Variants in PCDHGB6 observed in about 807,000 individuals in gnomAD.
PCDHGB6 encodes the protein protocadherin gamma-B6.
A neutral mutation model predicts 59.1 loss-of-function variants in PCDHGB6; 51 were observed. That is an observed-to-expected ratio of 0.86 (90% CI 0.69 to 1.09). The LOEUF is 1.09. Ranked by LOEUF, PCDHGB6 falls within the 50% of genes least tolerant of loss-of-function variation. PCDHGB6 has a pLI of 0.00. For missense variants in PCDHGB6, 1,148 were observed against 1,205.1 expected (o/e 0.95, Z 0.70); for synonymous variants, 466 against 495.1 (o/e 0.94, Z 0.78).
At chr5:141,499,330 C>T (rs1040336371) in intron 2 of PCDHGB6, among the ~76,000 whole-genome samples, 1 of 152,170 alleles carries the variant, frequency 6.6e-6, no homozygotes, top group African/African-American at 2.4e-5. Flanking sequence ...CCTGCTCTCT[C>T]TCAGTTTGGG....
rs2099749948 is a variant in PCDHGB6 at position 141,493,762 on chromosome 5, C to T, written c.2419-1045C>T. Among the ~76,000 whole-genome samples the T allele has an allele frequency of 1.3e-5, 2 of 152,130 alleles. No homozygotes were observed. Among genetic ancestry groups the T allele is most frequent in the South Asian group, 4.1e-4 (2 of 4,830 alleles). Reference sequence around the variant, plus strand: ...TGCCACCTGTGAGCCTTGAGTGAGCCACTGGCAGTTCCGGAGCTTCCTTCT... The same window carrying T: ...TGCCACCTGTGAGCCTTGAGTGAGCTACTGGCAGTTCCGGAGCTTCCTTCT... On this transcript the variant is annotated intron_variant, in intron 1 of 3. Transcript: ENST00000520790. The surrounding 1 kb of genome is among the most constrained non-coding windows in gnomAD (Gnocchi z 4.3).
Position 141,476,682 on chromosome 5 carries a change from A to G in PCDHGB6, c.2419-18125A>G, listed in dbSNP as rs987205396. The G allele has an allele frequency of 6.2e-7, 1 of 1,614,072 alleles. No individual in the cohort carries two copies. Among genetic ancestry groups the G allele is most frequent in the African/African-American group, 1.3e-5 (1 of 74,934 alleles). ...GCGCTTCGCGTGCAGACGCGGGAGG[A>G]CAGCACCAAGTACGCGGAGCTGGTG... On this transcript the variant is annotated intron_variant, in intron 1 of 3. Coordinates refer to ENST00000520790, the MANE Select transcript of PCDHGB6 (RefSeq NM_018926.3). The surrounding 1 kb of genome is among the most constrained non-coding windows in gnomAD (Gnocchi z 7.6).
intron 1 of PCDHGB6, among the ~76,000 whole-genome samples, chr5:141,472,561 T>C (rs1000220187): frequency 2.6e-5 from 4 of 151,632 alleles, no homozygotes; most frequent in African/African-American, 9.7e-5. Flanking sequence ...AATTATATTA[T>C]AAATGCTGCA....
intron 1 of PCDHGB6, chr5:141,426,496 G>A: frequency 3.0e-6 from 1 of 337,022 alleles, no homozygotes; most frequent in South Asian, 2.4e-5. Flanking sequence ...AGTTAGTGCA[G>A]AGAAACAATA....
In PCDHGB6 at chr5:141,491,803, C is replaced by T. The variant is rs2099730932; in HGVS notation, c.2419-3004C>T. ...CTTGCATCCACTCCTCTCCGGCCGG[C>T]TTGGTCGCTGGCTGCGCTCCACCCG... On this transcript the variant is annotated intron_variant, in intron 1 of 3. Transcript: ENST00000520790. This position sits in a 1 kb window ranked among gnomAD's most constrained non-coding sequence, Gnocchi z 6.9. 1 of 1,497,820 alleles carries T rather than the reference C, an allele frequency of 6.7e-7. No individual in the cohort carries two copies. Among genetic ancestry groups the T allele is most frequent in the Non-Finnish European group, 8.9e-7 (1 of 1,124,124 alleles). 92.8% of individuals were successfully genotyped at this position (1,497,820 alleles called of 1,614,324 possible).
intron 1 of PCDHGB6, chr5:141,417,887 C>A: frequency 6.4e-7 from 1 of 1,564,888 alleles, no homozygotes; most frequent in Non-Finnish European, 8.7e-7. Context: ...GCAGAGGCGC[C>A]GGGCCGGCCC....
intron 1 of PCDHGB6, among the ~76,000 whole-genome samples, chr5:141,420,737 A>G (rs1156969170): frequency 1.3e-5 from 2 of 152,244 alleles, no homozygotes; most frequent in Non-Finnish European, 2.9e-5. Flanking sequence ...GTTAAAATCA[A>G]TTGGAACCAA....
intron 1 of PCDHGB6, among the ~76,000 whole-genome samples, chr5:141,451,804 C>G (rs914303400): frequency 9.2e-5 from 14 of 151,946 alleles, no homozygotes; most frequent in African/African-American, 3.4e-4. Context: ...TTGCTTGAAC[C>G]CAGGAGGCGG....
At chr5:141,458,921 C>T (rs1471065767) in intron 1 of PCDHGB6, among the ~76,000 whole-genome samples, 1 of 151,960 alleles carries the variant, frequency 6.6e-6, no homozygotes, top group East Asian at 1.9e-4. Flanking sequence ...TTTGTGGAGA[C>T]GGGGTCTCAC....
At chr5:141,502,309 T>G (rs1395136136) in intron 2 of PCDHGB6, among the ~76,000 whole-genome samples, 2 of 152,196 alleles carry the variant, frequency 1.3e-5, no homozygotes, top group Admixed American at 6.5e-5. Flanking sequence ...TTTCCTCTCC[T>G]TTAATCTGGA....
intron 1 of PCDHGB6, among the ~76,000 whole-genome samples, chr5:141,452,529 G>A (rs758947494): frequency 1.3e-5 from 2 of 152,176 alleles, no homozygotes; most frequent in Non-Finnish European, 2.9e-5. Context: ...AAAATCGTGA[G>A]TTCATATTGA....
In PCDHGB6 at chr5:141,431,187, G is replaced by C. The variant is rs748150837; in HGVS notation, c.2418+20567G>C. On this transcript the variant is annotated intron_variant, in intron 1 of 3. Transcript: ENST00000520790. This position sits in a 1 kb window ranked among gnomAD's most constrained non-coding sequence, Gnocchi z 4.8. ...GAAAGTGAATTAGAAATAAAAATTAGTGAAAATGCAGCCACTGAGATGCGG... is the reference window on the plus strand; with the variant it reads ...GAAAGTGAATTAGAAATAAAAATTACTGAAAATGCAGCCACTGAGATGCGG... 4.3e-6 allele frequency: 7 copies of C among 1,614,102 alleles called. No homozygotes were observed. The Admixed American group carries it at 1.2e-4, about 27-fold the overall frequency.
rs753936459 is a variant in PCDHGB6 at position 141,501,288 on chromosome 5, TATAC to T, written c.2478-4103_2478-4100del. Among the ~76,000 whole-genome samples the T allele has an allele frequency of 4.5e-4, 37 of 81,322 alleles. No homozygotes were observed. The South Asian group carries it at 5.1e-3, about 11-fold the overall frequency. 53.4% of individuals were successfully genotyped at this position (81,322 alleles called of 152,430 possible). A position where few individuals can be genotyped will look rare whatever the true frequency, so the allele number is the denominator to read the frequency against. ...TAGTCCAGTCTATGGGATATTCCCT[TATAC>T]ACACACACACACACACACACACACA... On this transcript the variant is annotated intron_variant, in intron 2 of 3. Coordinates refer to ENST00000520790, the MANE Select transcript of PCDHGB6 (RefSeq NM_018926.3).
At chr5:141,418,603 G>A (rs769167342) in intron 1 of PCDHGB6, 7 of 1,613,902 alleles carry the variant, frequency 4.3e-6, no homozygotes, top group East Asian at 4.5e-5. Context: ...ACGTGTACAG[G>A]GTTAGCCTTC....
At chr5:141,430,837 C>G (rs1350348914) in intron 1 of PCDHGB6, 1 of 1,560,074 alleles carries the variant, frequency 6.4e-7, no homozygotes, top group Non-Finnish European at 8.6e-7. Context: ...TGTGGGAGAC[C>G]GGATGCACCC....
At chr5:141,413,117 C>T (rs902301902) in intron 1 of PCDHGB6, 42 of 1,509,002 alleles carry the variant, frequency 2.8e-5, no homozygotes, top group Non-Finnish European at 3.6e-5. Flanking sequence ...ACAAAGGAAC[C>T]GGTTGAAACA....
intron 1 of PCDHGB6, among the ~76,000 whole-genome samples, chr5:141,425,778 C>G (rs2096893107): frequency 6.6e-6 from 1 of 152,160 alleles, no homozygotes; most frequent in African/African-American, 2.4e-5. Flanking sequence ...AAGACTTTGC[C>G]TAGTTCTTCC....
intron 1 of PCDHGB6, chr5:141,426,760 C>T (rs935248232): frequency 4.4e-6 from 2 of 456,284 alleles, no homozygotes; most frequent in African/African-American, 4.0e-5. Context: ...GCTATAGATG[C>T]AGATGTAGGG....
rs781591902 is a variant in PCDHGB6, at chr5:141,477,086, G to A, written c.2419-17721G>A. The A allele has an allele frequency of 1.1e-5, 18 of 1,614,128 alleles. No individual in the cohort carries two copies. In the East Asian group the frequency reaches 3.8e-4, roughly 34 times the overall value. The stretch of plus-strand genomic sequence containing the variant: ...CAAACTCCATGAGATTTACATCCAG[G>A]CCAAAGACAAGGGCGCCAATCCCGA... On this transcript the variant is annotated intron_variant, in intron 1 of 3. Coordinates refer to ENST00000520790, the MANE Select transcript of PCDHGB6 (RefSeq NM_018926.3). The surrounding 1 kb of genome is among the most constrained non-coding windows in gnomAD (Gnocchi z 4.9).
Sources: gnomAD v4.1 joint callset for allele counts (sites outside exome capture counted in the v4.1 genomes callset) on GRCh38, gnomAD v4.1.1 for gene constraint, Gnocchi (gnomAD v3.1) non-coding constraint, MANE v1.5 for transcripts, NCBI Gene and HGNC (gene_info 2026-07-23, HGNC 2026-07-21) for gene names.